The following HCN1 variants were observed in gnomAD, a reference collection of about 807,000 sequenced individuals.
HCN1 encodes the protein potassium/sodium hyperpolarization-activated cyclic nucleotide-gated channel 1.
HCN1 carries 13 observed loss-of-function variants against 78.9 expected under a neutral mutation model. That is an observed-to-expected ratio of 0.16 (90% CI 0.11 to 0.26). HCN1 has a LOEUF of 0.26. Ranked by LOEUF, HCN1 falls within the 10% of genes least tolerant of loss-of-function variation. The pLI is 1.00. For synonymous variants in HCN1, 552 were observed against 455.5 expected (o/e 1.21, Z -2.70); for missense variants, 810 against 1,154.3 (o/e 0.70, Z 4.32).
At position 45,280,340 on chromosome 5, in the gene HCN1, A is replaced by C. The variant is rs1238533878; in HGVS notation, c.1619-13087T>G. Among the ~76,000 whole-genome samples, 5 of 152,176 alleles carry C rather than the reference A, an allele frequency of 3.3e-5. No homozygotes were observed. In the East Asian group the frequency reaches 7.7e-4, roughly 23 times the overall value. On this transcript the variant is annotated intron_variant, in intron 6 of 7. Coordinates refer to ENST00000303230, the MANE Select transcript of HCN1 (RefSeq NM_021072.4). ...GAAAGAATCTCAGAAGAAAAACAAA[A>C]TAAATGCAAAGAGAAATCATCTGAA...
At chr5:45,357,572 G>T (rs908239147) in intron 4 of HCN1, among the ~76,000 whole-genome samples, 2 of 151,934 alleles carry the variant, frequency 1.3e-5, no homozygotes, top group Non-Finnish European at 2.9e-5. Flanking sequence ...ACTAATATGA[G>T]ATTTTTGAAA....
At chr5:45,403,792 T>C (rs62367558) in intron 3 of HCN1, among the ~76,000 whole-genome samples, 1,550 of 152,338 alleles carry the variant, frequency 0.01, 12 homozygotes, top group Middle Eastern at 0.02. Context: ...ATCAGGTACA[T>C]GGTTCTAAAC....
chr5:45,498,517 G>A (rs1054183155), intron 2 of HCN1, among the ~76,000 whole-genome samples: 13 of 152,020 alleles, frequency 8.6e-5, no homozygotes, highest in African/African-American at 3.1e-4. Flanking sequence ...CAACTTCTTT[G>A]CCTTTGGTTT....
chr5:45,305,931 T>A (rs757720845), intron 5 of HCN1, among the ~76,000 whole-genome samples: 3 of 151,938 alleles, frequency 2.0e-5, no homozygotes, highest in Non-Finnish European at 4.4e-5. Flanking sequence ...AAGACTAATT[T>A]TCTCGTTGGG....
At chr5:45,296,029 A>T (rs1008160836) in intron 6 of HCN1, among the ~76,000 whole-genome samples, 4 of 152,022 alleles carry the variant, frequency 2.6e-5, no homozygotes, top group African/African-American at 9.7e-5. Context: ...AACTGCCCAT[A>T]AAAGGCTTGT....
chr5:45,359,413 A>AT lies in HCN1; in HGVS notation c.1231-6168_1231-6167insA, dbSNP rs1282738660. 1.2e-3 allele frequency among the ~76,000 whole-genome samples: 176 copies of AT among 147,156 alleles called. 1 individual carries two copies. The highest frequency in any genetic ancestry group is 4.5e-3 in the Admixed American group (66 of 14,744). On this transcript the variant is annotated intron_variant, in intron 4 of 7. Coordinates refer to ENST00000303230, the MANE Select transcript of HCN1 (RefSeq NM_021072.4). ...TACTTTCAGGAAGCATCAAAAAAAAAAAAATATATATATATATATATCACC... is the reference window on the plus strand; with the variant it reads ...TACTTTCAGGAAGCATCAAAAAAAAATAAAATATATATATATATATATCACC...
At chr5:45,298,749 C>T (rs564694548) in intron 6 of HCN1, among the ~76,000 whole-genome samples, 2 of 151,996 alleles carry the variant, frequency 1.3e-5, no homozygotes, top group Non-Finnish European at 2.9e-5. Flanking sequence ...AACAATACTC[C>T]CCGCTCCTTA....
rs149552344 is a variant in HCN1 at position 45,278,822 on chromosome 5, G to A, written c.1619-11569C>T. On this transcript the variant is annotated intron_variant, in intron 6 of 7. Transcript: ENST00000303230. The stretch of plus-strand genomic sequence containing the variant: ...GAAAAGAGGCTTGTTTTGAACAGAC[G>A]GGTTAGATCAGGAGTCCTATAACCA... 2.1e-3 allele frequency among the ~76,000 whole-genome samples: 318 copies of A among 151,984 alleles called. 1 individual carries two copies. The highest frequency in any genetic ancestry group is 7.2e-3 in the African/African-American group (298 of 41,474).
intron 2 of HCN1, among the ~76,000 whole-genome samples, chr5:45,514,221 C>A (rs1742476087): frequency 6.6e-6 from 1 of 152,116 alleles, no homozygotes; most frequent in Non-Finnish European, 1.5e-5. Flanking sequence ...TGATTGAAAA[C>A]CTAATGCTAT....
chr5:45,395,991 TGG>T (rs888648362), intron 4 of HCN1, among the ~76,000 whole-genome samples: 14 of 152,272 alleles, frequency 9.2e-5, no homozygotes, highest in Middle Eastern at 6.8e-3. Flanking sequence ...GTTTTAAGAC[TGG>T]AGAGTGTGGC....
rs761070627 is a variant in HCN1 at position 45,303,585 on chromosome 5, T to A, written c.1618+14A>T. Reference sequence around the variant, plus strand: ...CAGTTTAGATTTCATCTTAGTTGCATCTTTTTTACTAACCTCCAAAGTAAG... The same window carrying A: ...CAGTTTAGATTTCATCTTAGTTGCAACTTTTTTACTAACCTCCAAAGTAAG... On this transcript the variant is annotated intron_variant, in intron 6 of 7. Transcript: ENST00000303230. The A allele has an allele frequency of 4.3e-6, 7 of 1,612,846 alleles. No homozygotes were observed. Among genetic ancestry groups the A allele is most frequent in the African/African-American group, 1.3e-5 (1 of 74,886 alleles).
At chr5:45,463,412 G>C (rs571230806) in intron 2 of HCN1, among the ~76,000 whole-genome samples, 12 of 151,720 alleles carry the variant, frequency 7.9e-5, no homozygotes, top group Non-Finnish European at 1.5e-4. Flanking sequence ...TTTTTCGTGG[G>C]AATATACACA....
intron 5 of HCN1, among the ~76,000 whole-genome samples, chr5:45,315,448 C>G (rs1216237015): frequency 6.6e-6 from 1 of 152,026 alleles, no homozygotes; most frequent in Non-Finnish European, 1.5e-5. Flanking sequence ...ACTAAATGCC[C>G]ACAAGAGAAA....
At chr5:45,498,976 C>G (rs969452202) in intron 2 of HCN1, among the ~76,000 whole-genome samples, 2 of 152,190 alleles carry the variant, frequency 1.3e-5, no homozygotes, top group Non-Finnish European at 2.9e-5. Flanking sequence ...AGAACCACTA[C>G]TCTTCTTCAA....
intron 1 of HCN1, among the ~76,000 whole-genome samples, chr5:45,682,587 T>G (rs2112090826): frequency 6.6e-6 from 1 of 152,132 alleles, no homozygotes; most frequent in East Asian, 1.9e-4. Flanking sequence ...CTCTGCTTAC[T>G]TCTAGCTTTG....
In HCN1 at chr5:45,567,945, CAT is replaced by C. The variant is rs1362244531; in HGVS notation, c.849+77238_849+77239del. ...ACACACACACACACACACACACACA[CAT>C]ATACACACACTGCTATCTATGGTAA... is the stretch of plus-strand genomic sequence containing the variant. On this transcript the variant is annotated intron_variant, in intron 2 of 7. Transcript: ENST00000303230. 4.6e-4 allele frequency among the ~76,000 whole-genome samples: 63 copies of C among 136,316 alleles called. No individual in the cohort carries two copies. In the East Asian group the frequency reaches 5.3e-3, roughly 11 times the overall value. 89.4% of individuals were successfully genotyped at this position (136,316 alleles called of 152,430 possible).
chr5:45,509,089 A>G (rs547594122), intron 2 of HCN1, among the ~76,000 whole-genome samples: 8 of 152,244 alleles, frequency 5.3e-5, no homozygotes, highest in Non-Finnish European at 8.8e-5. Flanking sequence ...CTGATACACA[A>G]CATGCTTCCT....
intron 2 of HCN1, among the ~76,000 whole-genome samples, chr5:45,565,581 G>T (rs1261472058): frequency 6.6e-6 from 1 of 152,074 alleles, no homozygotes; most frequent in Non-Finnish European, 1.5e-5. Flanking sequence ...CCAGCATTTT[G>T]GGAGGCTGAG....
At chr5:45,361,598 C>G (rs756129509) in intron 4 of HCN1, among the ~76,000 whole-genome samples, 2 of 152,148 alleles carry the variant, frequency 1.3e-5, no homozygotes, top group South Asian at 2.1e-4. Context: ...ACAAGTAAAG[C>G]GTGTTATTCT....
Sources: allele counts gnomAD v4.1 joint callset (sites outside exome capture counted in the v4.1 genomes callset), GRCh38; gene constraint gnomAD v4.1.1; transcripts MANE v1.5; gene names NCBI Gene and HGNC (gene_info 2026-07-23, HGNC 2026-07-21).